Variants in IL18 observed in about 807,000 individuals in gnomAD.
IL18 encodes interleukin 18.
Under a neutral mutation model 14.2 loss-of-function variants are expected in IL18, and 8 were observed. The ratio of observed to expected loss-of-function variants is 0.56; its 90% CI spans 0.33 to 1.01. The LOEUF is 1.01. IL18 is among the 50% of genes least tolerant of loss of function. The probability of loss-of-function intolerance (pLI) is 0.03; values close to 1 mark genes in which losing one functional copy is unlikely to be tolerated. For synonymous variants in IL18, 67 were observed against 71.0 expected, an observed-to-expected ratio of 0.94 and a Z score of 0.28; for missense variants, 166 against 231.1, an observed-to-expected ratio of 0.72 and a Z score of 1.83.
chr11:112,144,335 C>T (rs1475715315), intron 5 of IL18, among the ~76,000 whole-genome samples: 3 of 152,194 alleles, frequency 2.0e-5, no homozygotes, highest in Non-Finnish European at 4.4e-5. Flanking sequence ...TGGGCTCAAG[C>T]AATCCCCCTG....
At chr11:112,152,720 A>G (rs1412075037) in intron 3 of IL18, among the ~76,000 whole-genome samples, 1 of 152,178 alleles carries the variant, frequency 6.6e-6, no homozygotes, top group Non-Finnish European at 1.5e-5. Context: ...TGTGAGTGAG[A>G]TCAACAACTA....
intron 5 of IL18, among the ~76,000 whole-genome samples, chr11:112,144,758 T>C (rs5744286): frequency 2.2e-4 from 34 of 152,358 alleles, no homozygotes; most frequent in African/African-American, 7.2e-4. Context: ...TCCAGTTCCA[T>C]AGTAGTCTTG....
chr11:112,144,278 C>T (rs543409966), intron 5 of IL18, among the ~76,000 whole-genome samples: 1 of 152,260 alleles, frequency 6.6e-6, no homozygotes, highest in South Asian at 2.1e-4. Context: ...TGTTGCCCAG[C>T]CAGAAGTGCA....
intron 1 of IL18, among the ~76,000 whole-genome samples, chr11:112,161,546 A>C (rs360716): frequency 0.82 from 124,416 of 152,222 alleles, 51,457 homozygotes; most frequent in South Asian, 0.9. Flanking sequence ...TGCCTGTAAT[A>C]CCAGCACTTT....
chr11:112,154,590 A>C (rs765060695), intron 2 of IL18, among the ~76,000 whole-genome samples: 4 of 152,180 alleles, frequency 2.6e-5, no homozygotes, highest in Non-Finnish European at 5.9e-5. Flanking sequence ...CTAAATTTAG[A>C]GAATCTCTTA....
chr11:112,151,044 C>T (rs5744258), intron 3 of IL18: 2 of 152,066 alleles, frequency 1.3e-5, no homozygotes, highest in Non-Finnish European at 2.9e-5. Flanking sequence ...CTTCTATCAA[C>T]CCAGCAATTC....
At chr11:112,150,791 C>T (rs747733125) in intron 3 of IL18, 7 of 152,426 alleles carry the variant, frequency 4.6e-5, no homozygotes, top group South Asian at 2.1e-4. Context: ...AGCTGATAGC[C>T]GCAATTTCAA....
intron 4 of IL18, 30 bp from the exon 5 acceptor site, chr11:112,148,766 A>G: frequency 7.6e-7 from 1 of 1,312,006 alleles, no homozygotes. Context: ...TGAGAACTCT[A>G]GTTAGAAGAA....
intron 1 of IL18, among the ~76,000 whole-genome samples, chr11:112,161,968 T>A (rs1866639751): frequency 6.6e-6 from 1 of 152,212 alleles, no homozygotes; most frequent in Non-Finnish European, 1.5e-5. Flanking sequence ...TGAGATCAGG[T>A]AGGTAGTCAT....
At chr11:112,150,507 A>C (rs1783549373) in intron 3 of IL18, 1 of 212,654 alleles carries the variant, frequency 4.7e-6, no homozygotes, top group South Asian at 7.7e-5. Context: ...CTTAAATTTC[A>C]CAACATCTTC....
At chr11:112,156,544 C>T (rs1035083074) in intron 1 of IL18, among the ~76,000 whole-genome samples, 5 of 151,902 alleles carry the variant, frequency 3.3e-5, no homozygotes, top group Admixed American at 2.0e-4. Context: ...TGGGTTCAAG[C>T]GATTCTCCCA....
intron 1 of IL18, among the ~76,000 whole-genome samples, chr11:112,155,619 T>G (rs984116244): frequency 2.0e-5 from 3 of 152,176 alleles, no homozygotes. Context: ...TGAGCTGCGG[T>G]GATTTTTGAT....
chr11:112,144,439 A>G (rs1251837249), intron 5 of IL18, among the ~76,000 whole-genome samples: 1 of 152,114 alleles, frequency 6.6e-6, no homozygotes, highest in Non-Finnish European at 1.5e-5. Flanking sequence ...GTCAGGGGGT[A>G]TCTCACTTTG....
In IL18 at chr11:112,150,046, C is replaced by T. The variant is rs199509539; in HGVS notation, c.226+26G>A. On this transcript the variant is annotated intron_variant, in intron 4 of 5. Transcript: ENST00000280357. ...AATGGGAAGAAGTAGCTAGTCATTT[C>T]TATGTTTGCGAATTAAAAAAAATAC... The T allele has an allele frequency of 5.0e-5, 79 of 1,582,090 alleles. No individual in the cohort carries two copies. The African/African-American group carries it at 9.6e-4, about 19-fold the overall frequency.
chr11:112,149,946 T>G (rs180741628), intron 4 of IL18, 126 bp downstream of exon 4: 23 of 904,694 alleles, frequency 2.5e-5, no homozygotes, highest in Non-Finnish European at 3.3e-5. Flanking sequence ...TTCCTGTAAG[T>G]GAAATTATTG....
At chr11:112,157,261 A>G (rs765275976) in intron 1 of IL18, among the ~76,000 whole-genome samples, 1 of 152,214 alleles carries the variant, frequency 6.6e-6, no homozygotes, top group Non-Finnish European at 1.5e-5. Context: ...ATATTATGTA[A>G]TACACACATA....
At chr11:112,150,338 T>A in intron 3 of IL18, 132 bp from the exon 4 acceptor site, 1 of 630,202 alleles carries the variant, frequency 1.6e-6, no homozygotes, top group Non-Finnish European at 2.7e-6. Flanking sequence ...TACAATAAAG[T>A]TGCCTATTGT....
chr11:112,152,894 A>C (rs1866469938), intron 3 of IL18: 1 of 152,184 alleles, frequency 6.6e-6, no homozygotes, highest in Non-Finnish European at 1.5e-5. Context: ...CAACAAACTA[A>C]TCTTTACCCT....
At chr11:112,150,024 G>A in intron 4 of IL18, 48 bp downstream of exon 4, 1 of 1,511,612 alleles carries the variant, frequency 6.6e-7, no homozygotes, top group Non-Finnish European at 9.0e-7. Flanking sequence ...AAAACAGAAT[G>A]GGAAGAAGTA....
Sources: gnomAD v4.1 joint callset for allele counts (sites outside exome capture counted in the v4.1 genomes callset) on GRCh38, gnomAD v4.1.1 for gene constraint, MANE v1.5 for transcripts, NCBI Gene and HGNC (gene_info 2026-07-23, HGNC 2026-07-21) for gene names.